The following SV2B variants were observed in gnomAD, a reference collection of about 807,000 sequenced individuals.
The protein encoded by SV2B is solute carrier family 22 member B2.
A neutral mutation model predicts 73.9 loss-of-function variants in SV2B; 41 were observed. The observed-to-expected ratio is 0.56, with a 90% CI of 0.43 to 0.72. SV2B has a LOEUF of 0.72. Ranked by LOEUF, SV2B falls within the 30% of genes least tolerant of loss-of-function variation. SV2B has a pLI of 0.00. For synonymous variants in SV2B, 314 were observed against 314.2 expected (o/e 1.00, Z 0.01); for missense variants, 764 against 857.8 (o/e 0.89, Z 1.37).
intron 1 of SV2B, among the ~76,000 whole-genome samples, chr15:91,163,707 G>A (rs978644824): frequency 6.6e-6 from 1 of 152,156 alleles, no homozygotes; most frequent in African/African-American, 2.4e-5. Context: ...CTCCCATTCT[G>A]AAGGTTGCCT....
chr15:91,262,505 G>A (rs1361969333), intron 6 of SV2B, among the ~76,000 whole-genome samples: 1 of 152,066 alleles, frequency 6.6e-6, no homozygotes, highest in Non-Finnish European at 1.5e-5. Flanking sequence ...TGTGCAGGTT[G>A]TTATAGAGGT....
chr15:91,218,710 A>T (rs1467767733), intron 1 of SV2B, among the ~76,000 whole-genome samples: 1 of 152,132 alleles, frequency 6.6e-6, no homozygotes, highest in Non-Finnish European at 1.5e-5. Flanking sequence ...CCTTCTAAGC[A>T]TGGGATGTCT....
intron 1 of SV2B, among the ~76,000 whole-genome samples, chr15:91,215,997 C>A (rs1304663476): frequency 6.6e-6 from 1 of 151,988 alleles, no homozygotes; most frequent in African/African-American, 2.4e-5. Flanking sequence ...ATTTCATAAC[C>A]AATTGTTTCT....
rs2045952957 is a variant in SV2B at position 91,214,164 on chromosome 15, A to T, written c.-391-11709A>T. On this transcript the variant is annotated intron_variant, in intron 1 of 12. Coordinates refer to ENST00000394232, the MANE Select transcript of SV2B (RefSeq NM_001323032.3). The surrounding 1 kb of genome is among the most constrained non-coding windows in gnomAD (Gnocchi z 4.7). ...CGGATCTCTAGAGGAGGGAGCTGGC[A>T]TGGACTGGTGGAGTGGGGTAGTGGT... is the stretch of plus-strand genomic sequence containing the variant. 6.6e-6 allele frequency among the ~76,000 whole-genome samples: 1 copy of T among 152,164 alleles called. No individual in the cohort carries two copies. Among genetic ancestry groups the T allele is most frequent in the East Asian group, 1.9e-4 (1 of 5,202 alleles).
chr15:91,109,847 C>T (rs1290088120), intron 1 of SV2B, among the ~76,000 whole-genome samples: 2 of 152,154 alleles, frequency 1.3e-5, no homozygotes, highest in Non-Finnish European at 2.9e-5. Context: ...GCAATCCTCT[C>T]ACCTCAGCCT....
At chr15:91,266,963 C>T (rs538898805) in intron 7 of SV2B, 15 of 319,712 alleles carry the variant, frequency 4.7e-5, no homozygotes, top group African/African-American at 3.0e-4. Flanking sequence ...AATGTCTAGT[C>T]TGAGTAAACA....
At chr15:91,159,242 G>T (rs8030384) in intron 1 of SV2B, among the ~76,000 whole-genome samples, 1 of 152,138 alleles carries the variant, frequency 6.6e-6, no homozygotes, top group South Asian at 2.1e-4. Context: ...TGGGCTTAGC[G>T]GAAGAGCCAT....
chr15:91,283,236 C>CT lies in SV2B; in HGVS notation c.1508-781dup, dbSNP rs1313505619. 6.6e-6 allele frequency among the ~76,000 whole-genome samples: 1 copy of CT among 152,182 alleles called. No homozygotes were observed. Among genetic ancestry groups the CT allele is most frequent in the African/African-American group, 2.4e-5 (1 of 41,428 alleles). On this transcript the variant is annotated intron_variant, in intron 10 of 12. Coordinates refer to ENST00000394232, the MANE Select transcript of SV2B (RefSeq NM_001323032.3). This position sits in a 1 kb window ranked among gnomAD's most constrained non-coding sequence, Gnocchi z 4.3. Reference sequence around the variant, plus strand: ...TGCAAACTGGTTCCAATGCAAATGGCTTTTATTTTTTAAGAATGTTCAGGT... The same window carrying CT: ...TGCAAACTGGTTCCAATGCAAATGGCTTTTTATTTTTTAAGAATGTTCAGGT...
Position 91,105,744 on chromosome 15 carries a change from G to C in SV2B, c.-392+5381G>C, listed in dbSNP as rs1241096350. On this transcript the variant is annotated intron_variant, in intron 1 of 12. Coordinates refer to ENST00000394232, the MANE Select transcript of SV2B (RefSeq NM_001323032.3). This position sits in a 1 kb window ranked among gnomAD's most constrained non-coding sequence, Gnocchi z 5.5. Reference sequence around the variant, plus strand: ...ACTGCAGTGACCCAGGTGAGAGAGGGTGGTGGTTTGGACCAGGCTGGATAG... The same window carrying C: ...ACTGCAGTGACCCAGGTGAGAGAGGCTGGTGGTTTGGACCAGGCTGGATAG... 2.0e-5 allele frequency among the ~76,000 whole-genome samples: 3 copies of C among 152,176 alleles called. No homozygotes were observed. The East Asian group carries it at 5.8e-4, about 29-fold the overall frequency.
intron 1 of SV2B, among the ~76,000 whole-genome samples, chr15:91,172,788 C>T (rs111648552): frequency 8.9e-4 from 136 of 152,252 alleles, no homozygotes; most frequent in African/African-American, 3.2e-3. Flanking sequence ...CCAATAATTC[C>T]ACCCCAAAGG....
intron 1 of SV2B, among the ~76,000 whole-genome samples, chr15:91,183,995 A>G (rs568541641): frequency 1.3e-5 from 2 of 152,292 alleles, no homozygotes; most frequent in Non-Finnish European, 1.5e-5. Flanking sequence ...ATCAGGAGTT[A>G]TTTAATTGCT....
At chr15:91,156,889 C>G (rs1476788066) in intron 1 of SV2B, among the ~76,000 whole-genome samples, 1 of 152,198 alleles carries the variant, frequency 6.6e-6, no homozygotes, top group East Asian at 1.9e-4. Flanking sequence ...TTGTGGGCTG[C>G]TAATTGCAAT....
At chr15:91,172,951 A>G (rs1408186437) in intron 1 of SV2B, among the ~76,000 whole-genome samples, 1 of 151,618 alleles carries the variant, frequency 6.6e-6, no homozygotes, top group Non-Finnish European at 1.5e-5. Context: ...CTGGTGGAAA[A>G]GTCCAGACAA....
intron 1 of SV2B, among the ~76,000 whole-genome samples, chr15:91,194,983 A>T (rs925438263): frequency 1.5e-5 from 2 of 137,628 alleles, no homozygotes; most frequent in African/African-American, 7.2e-5. Flanking sequence ...CAGAATGAAG[A>T]TGAAGGCATG....
chr15:91,212,930 C>G (rs1181204173), intron 1 of SV2B, among the ~76,000 whole-genome samples: 1 of 150,990 alleles, frequency 6.6e-6, no homozygotes, highest in Non-Finnish European at 1.5e-5. Context: ...CACTTGAGGC[C>G]AGGAGTTTGA....
Position 91,280,862 on chromosome 15 carries a change from G to C in SV2B, c.1374-866G>C, listed in dbSNP as rs1373635255. 2.6e-5 allele frequency among the ~76,000 whole-genome samples: 4 copies of C among 152,282 alleles called. No homozygotes were observed. In the East Asian group the frequency reaches 7.7e-4, roughly 29 times the overall value. ...ACCGTTTCTATCAGTTTCTTGTGTA[G>C]CTCTCCAGATATATTTGGAAGCATA... On this transcript the variant is annotated intron_variant, in intron 9 of 12. Coordinates refer to ENST00000394232, the MANE Select transcript of SV2B (RefSeq NM_001323032.3). This position sits in a 1 kb window ranked among gnomAD's most constrained non-coding sequence, Gnocchi z 5.8.
chr15:91,266,293 G>A (rs1200380773), intron 6 of SV2B, among the ~76,000 whole-genome samples: 1 of 152,172 alleles, frequency 6.6e-6, no homozygotes, highest in African/African-American at 2.4e-5. Flanking sequence ...CTTTCTCCCC[G>A]CGGATTGCCC....
Position 91,231,413 on chromosome 15 carries a change from G to T in SV2B, c.451+4699G>T, listed in dbSNP as rs1377521259. 6.6e-6 allele frequency among the ~76,000 whole-genome samples: 1 copy of T among 152,126 alleles called. No homozygotes were observed. Among genetic ancestry groups the T allele is most frequent in the Non-Finnish European group, 1.5e-5 (1 of 68,024 alleles). Reference sequence around the variant, plus strand: ...TTTTGAGGATGAGTTTTCTGAATTGGTTCTGGGGTTTCTGGAATTGGCTTT... The same window carrying T: ...TTTTGAGGATGAGTTTTCTGAATTGTTTCTGGGGTTTCTGGAATTGGCTTT... On this transcript the variant is annotated intron_variant, in intron 2 of 12. Transcript: ENST00000394232. This position sits in a 1 kb window ranked among gnomAD's most constrained non-coding sequence, Gnocchi z 4.5.
intron 1 of SV2B, among the ~76,000 whole-genome samples, chr15:91,161,692 G>A (rs760788603): frequency 6.6e-6 from 1 of 152,160 alleles, no homozygotes; most frequent in Non-Finnish European, 1.5e-5. Flanking sequence ...AGGTCATAGC[G>A]CTAAGTGGCA....
Sources: allele counts gnomAD v4.1 joint callset (sites outside exome capture counted in the v4.1 genomes callset), GRCh38; gene constraint gnomAD v4.1.1; non-coding constraint Gnocchi (gnomAD v3.1); transcripts MANE v1.5; gene names NCBI Gene and HGNC (gene_info 2026-07-23, HGNC 2026-07-21).